The following DNAH17 variants were observed in gnomAD, a reference collection of about 807,000 sequenced individuals.
The protein encoded by DNAH17 is dynein axonemal heavy chain 17, also known as axonemal beta dynein heavy chain 17.
A neutral mutation model predicts 485.6 loss-of-function variants in DNAH17; 376 were observed. The observed-to-expected ratio is 0.77, with a 90% CI of 0.71 to 0.84. The LOEUF is 0.84. Among genes scored for constraint, DNAH17 ranks in the 40% least tolerant of loss-of-function variants. DNAH17 has a pLI of 0.00. For synonymous variants in DNAH17, 3,031 were observed against 2,405.9 expected (o/e 1.26, Z -7.60); for missense variants, 6,370 against 5,839.3 (o/e 1.09, Z -2.96).
rs763102952 is a variant in DNAH17 at position 78,543,812 on chromosome 17, TA to T, written c.2532+44del. The T allele has an allele frequency of 7.4e-6, 12 of 1,613,740 alleles. No individual in the cohort carries two copies. In the Admixed American group the frequency reaches 1.7e-4, roughly 22 times the overall value. Reference sequence around the variant, plus strand: ...CCTGGGTTTACTCTCTCCTCCCTGCTAAAAGCAAGTGGGTTCTCAAAAAACC... The same window carrying T: ...CCTGGGTTTACTCTCTCCTCCCTGCTAAAGCAAGTGGGTTCTCAAAAAACC... On this transcript the variant is annotated intron_variant, in intron 17 of 80. Transcript: ENST00000389840.
Position 78,429,191 on chromosome 17 carries a change from C to T in DNAH17, c.12335G>A (p.Arg4112Gln), listed in dbSNP as rs146968926. The change falls in exon 76 of 81, where the codon CGG becomes CAG. Residue 4112 changes from arginine (R) to glutamine (Q), a missense_variant. Transcript: ENST00000389840. ...GACGTCTCCCTCCAGCATCTCCGTCCGGATGTATTCAGCCAGGTAGGTCCT... is the reference window on the plus strand; with the variant it reads ...GACGTCTCCCTCCAGCATCTCCGTCTGGATGTATTCAGCCAGGTAGGTCCT... The part of the protein sequence containing the change: ...LCRTYLAEYI[R>Q]TEMLEGDVLL... 55 of 1,613,812 alleles carry T rather than the reference C, an allele frequency of 3.4e-5. No homozygotes were observed. Among genetic ancestry groups the T allele is most frequent in the East Asian group, 1.3e-4 (6 of 44,880 alleles).
At chr17:78,537,527 A>G in intron 18 of DNAH17, 46 bp from the exon 19 acceptor site, 2 of 1,595,368 alleles carry the variant, frequency 1.3e-6, no homozygotes, top group Admixed American at 1.7e-5. Context: ...TCTGTCCTCC[A>G]TCGGATGATT....
At chr17:78,456,445 C>T (rs1354874845) in intron 62 of DNAH17, among the ~76,000 whole-genome samples, 1 of 152,202 alleles carries the variant, frequency 6.6e-6, no homozygotes, top group East Asian at 1.9e-4. Flanking sequence ...CATTTGATTG[C>T]CTCTCTCCTG....
In DNAH17 at chr17:78,460,197, G is replaced by C; in HGVS notation, c.9400C>G (p.Leu3134Val). 2 of 1,609,304 alleles carry C rather than the reference G, an allele frequency of 1.2e-6. No homozygotes were observed. The highest frequency in any genetic ancestry group is 4.5e-5 in the East Asian group (2 of 44,824). ...TDLAKAEPAL[L>V]AAQEALDTLN... The stretch of plus-strand genomic sequence containing the variant: ...GTGTCCAGAGCCTCCTGGGCTGCCA[G>C]CAGGGCCGGTTCTGCTTTGGCCAGG... Residue 3134 changes from leucine (L) to valine (V), a missense_variant, in exon 59 of 81, where the codon CTG becomes GTG. Transcript: ENST00000389840.
At chr17:78,447,657 G>T (rs562562145) in intron 69 of DNAH17, among the ~76,000 whole-genome samples, 15 of 152,290 alleles carry the variant, frequency 9.8e-5, no homozygotes, top group African/African-American at 3.4e-4. Flanking sequence ...GGAGCACTGA[G>T]GAACTCTTAT....
chr17:78,471,669 C>G (rs2088758615), intron 54 of DNAH17, among the ~76,000 whole-genome samples: 1 of 152,178 alleles, frequency 6.6e-6, no homozygotes, highest in South Asian at 2.1e-4. Flanking sequence ...GCTAGGATTA[C>G]AGGCTTGAGC....
At chr17:78,430,250 G>A (rs1221622898) in intron 75 of DNAH17, among the ~76,000 whole-genome samples, 3 of 151,736 alleles carry the variant, frequency 2.0e-5, no homozygotes, top group African/African-American at 7.3e-5. Context: ...GAGGCCACAT[G>A]TGTCATTTTA....
rs374079255 is a variant in DNAH17 at position 78,426,577 on chromosome 17, G to T, written c.12795C>A (p.Asp4265Glu). The part of the protein sequence containing the change: ...GLKGELTITT[D>E]VEDLSTALFY... Reference sequence around the variant, plus strand: ...AGAGAGCCGTGGACAGATCTTCCACGTCGGTCGTGATGGTCAGTTCTCCCT... The same window carrying T: ...AGAGAGCCGTGGACAGATCTTCCACTTCGGTCGTGATGGTCAGTTCTCCCT... Residue 4265 changes from aspartate (D) to glutamate (E), a missense_variant, in exon 79 of 81, where the codon GAC becomes GAA. Coordinates refer to ENST00000389840, the MANE Select transcript of DNAH17 (RefSeq NM_173628.4). 31 of 1,611,350 alleles carry T rather than the reference G, an allele frequency of 1.9e-5. No homozygotes were observed. Among genetic ancestry groups the T allele is most frequent in the Non-Finnish European group, 2.4e-5 (28 of 1,178,440 alleles).
At chr17:78,506,591 G>A in intron 30 of DNAH17, 129 bp downstream of exon 30, 1 of 1,367,836 alleles carries the variant, frequency 7.3e-7, no homozygotes, top group Non-Finnish European at 9.9e-7. Context: ...TGGTGCAGAG[G>A]GCCTCCTGGA....
chr17:78,501,910 T>C, intron 33 of DNAH17, 37 bp from the exon 34 acceptor site: 1 of 1,612,052 alleles, frequency 6.2e-7, no homozygotes, highest in South Asian at 1.1e-5. Flanking sequence ...ACACCACGGG[T>C]GCCCACATGC....
In DNAH17 at chr17:78,494,806, C is replaced by A; in HGVS notation, c.6057G>T (p.Trp2019Cys). Residue 2019 changes from tryptophan to cysteine, a missense_variant, in exon 40 of 81, where the codon TGG (tryptophan) becomes TGT (cysteine). By Grantham distance (215) the Trp-to-Cys change is radical. Transcript: ENST00000389840. ...GCACAGACTTGATGGCTCTCAGGCC[C>A]CAGTCGTAATGATCCTGCGGGCAGT... ...ELLSKQDHYD[W>C]GLRAIKSVLV... The A allele has an allele frequency of 6.2e-7, 1 of 1,608,020 alleles. No individual in the cohort carries two copies. The highest frequency in any genetic ancestry group is 8.5e-7 in the Non-Finnish European group (1 of 1,176,276).
Position 78,434,063 on chromosome 17 carries a change from T to C in DNAH17, c.12191A>G (p.Asn4064Ser). ...GGCCTCCAGGTAGTTGTAGAGCACG[T>C]TGATGGAGATGGTGAGGTCCCCGTT... ...FNNGDLTISI[N>S]VLYNYLEANP... The change falls in exon 75 of 81, where the codon AAC becomes AGC. Residue 4064 changes from asparagine to serine, a missense_variant. Transcript: ENST00000389840. The C allele has an allele frequency of 6.2e-7, 1 of 1,612,672 alleles. No individual in the cohort carries two copies. The highest frequency in any genetic ancestry group is 8.5e-7 in the Non-Finnish European group (1 of 1,179,360).
At chr17:78,443,635 C>T (rs1297842681) in intron 71 of DNAH17, among the ~76,000 whole-genome samples, 1 of 152,184 alleles carries the variant, frequency 6.6e-6, no homozygotes, top group Non-Finnish European at 1.5e-5. Flanking sequence ...CTGCAGCCTC[C>T]ACCTCCCGGG....
intron 55 of DNAH17, among the ~76,000 whole-genome samples, chr17:78,468,360 T>C (rs2088585053): frequency 6.6e-6 from 1 of 152,180 alleles, no homozygotes; most frequent in African/African-American, 2.4e-5. Context: ...ATGGCGGTCC[T>C]GGAATCCAAC....
intron 36 of DNAH17, chr17:78,499,322 C>G (rs986189774): frequency 4.2e-5 from 17 of 401,082 alleles, no homozygotes; most frequent in Non-Finnish European, 6.6e-5. Context: ...GAAGAGCCAT[C>G]CTTTCACCCT....
chr17:78,434,368 T>TGATAGAGACCTGCA, intron 74 of DNAH17, 148 bp from the exon 75 acceptor site: 1 of 651,660 alleles, frequency 1.5e-6, no homozygotes, highest in Non-Finnish European at 2.5e-6. Context: ...TGTGCAGGTC[T>TGATAGAGACCTGCA]CTATCAGACC....
rs376937081 is a variant in DNAH17, at chr17:78,514,823, T to C, written c.4064A>G (p.Asn1355Ser). 6.2e-7 allele frequency: 1 copy of C among 1,613,966 alleles called. No individual in the cohort carries two copies. The highest frequency in any genetic ancestry group is 8.5e-7 in the Non-Finnish European group (1 of 1,179,884). Reference protein sequence around the residue: ...TSLRAVSELQNPAIRERHWQQ... With the variant: ...TSLRAVSELQSPAIRERHWQQ... ...CCAGTGGCGTTCCCGAATGGCAGGGTTCTGCAGCTCGCTCACGGCACGCAG... is the reference window on the plus strand; with the variant it reads ...CCAGTGGCGTTCCCGAATGGCAGGGCTCTGCAGCTCGCTCACGGCACGCAG... Residue 1355 changes from asparagine to serine, a missense_variant, in exon 26 of 81, where the codon AAC becomes AGC. Coordinates refer to ENST00000389840, the MANE Select transcript of DNAH17 (RefSeq NM_173628.4).
At position 78,526,673 on chromosome 17, in the gene DNAH17, T is replaced by G. The variant is rs373009765; in HGVS notation, c.3689A>C (p.Asn1230Thr). The change falls in exon 24 of 81, where the codon AAC (asparagine) becomes ACC (threonine). Residue 1230 changes from asparagine to threonine, a missense_variant. Asn to Thr is a moderately conservative substitution (Grantham distance 65). Coordinates refer to ENST00000389840, the MANE Select transcript of DNAH17 (RefSeq NM_173628.4). ...TACCTTATTCAGGGACTTGTAGGGG[T>G]TGGGGTCGCTGAAGGAGAACGGGGC... ...REAPFSFSDPNPYKSLNKQQK... is the reference protein window; with the variant it reads ...REAPFSFSDPTPYKSLNKQQK... 3.7e-5 allele frequency: 59 copies of G among 1,610,154 alleles called. No individual in the cohort carries two copies. The Middle Eastern group carries it at 1.7e-3, about 45-fold the overall frequency.
intron 25 of DNAH17, chr17:78,522,292 G>T: frequency 4.1e-6 from 1 of 246,762 alleles, no homozygotes; most frequent in South Asian, 4.6e-5. Flanking sequence ...TACCTCCACT[G>T]AGAATGCAGA....
Sources: allele counts gnomAD v4.1 joint callset (sites outside exome capture counted in the v4.1 genomes callset), GRCh38; gene constraint gnomAD v4.1.1; transcripts MANE v1.5; gene names NCBI Gene and HGNC (gene_info 2026-07-23, HGNC 2026-07-21).